Variants in RPTOR observed in about 807,000 individuals in gnomAD.
RPTOR encodes regulatory-associated protein of mTOR.
In RPTOR, 21 loss-of-function variants were observed where a neutral mutation model predicts 169.9. The ratio of observed to expected loss-of-function variants is 0.12; its 90% CI spans 0.09 to 0.18. RPTOR has a LOEUF of 0.18. Among genes scored for constraint, RPTOR ranks in the 10% least tolerant of loss-of-function variants. The pLI is 1.00. For missense variants in RPTOR, 1,133 were observed against 1,855.9 expected (o/e 0.61, Z 7.16); for synonymous variants, 732 against 753.2 (o/e 0.97, Z 0.46).
At chr17:80,571,084 T>A (rs974418140) in intron 1 of RPTOR, among the ~76,000 whole-genome samples, 1 of 152,196 alleles carries the variant, frequency 6.6e-6, no homozygotes, top group Non-Finnish European at 1.5e-5. Context: ...CGTAAGAGGA[T>A]TTAAGGATAA....
At chr17:80,777,779 G>A (rs188993282) in intron 6 of RPTOR, among the ~76,000 whole-genome samples, 2 of 152,266 alleles carry the variant, frequency 1.3e-5, no homozygotes, top group Admixed American at 1.3e-4. Context: ...TTTTGTAAAT[G>A]GTGTGATGAA....
At chr17:80,693,029 T>C (rs1008610716) in intron 3 of RPTOR, among the ~76,000 whole-genome samples, 1 of 152,258 alleles carries the variant, frequency 6.6e-6, no homozygotes, top group Admixed American at 6.5e-5. Context: ...GGAAGTGCTG[T>C]ATGTTGTACA....
chr17:80,884,201 G>C (rs1337002013), intron 16 of RPTOR, among the ~76,000 whole-genome samples: 1 of 152,198 alleles, frequency 6.6e-6, no homozygotes, highest in African/African-American at 2.4e-5. Context: ...AGCTGCAAGC[G>C]GGGGTCCCAG....
intron 2 of RPTOR, among the ~76,000 whole-genome samples, chr17:80,634,603 C>CTGTG (rs560638674): frequency 0.66 from 17,198 of 26,164 alleles, 5,606 homozygotes; most frequent in South Asian, 0.79. Flanking sequence ...TGTGTGCGTA[C>CTGTG]TGTGTGTGTA....
chr17:80,617,772 G>C (rs1421619810), intron 1 of RPTOR, among the ~76,000 whole-genome samples: 1 of 152,150 alleles, frequency 6.6e-6, no homozygotes, highest in African/African-American at 2.4e-5. Context: ...ATGGTTCCTA[G>C]CTCCTCACGC....
chr17:80,792,635 G>A (rs1567913763), intron 7 of RPTOR, among the ~76,000 whole-genome samples: 2 of 152,048 alleles, frequency 1.3e-5, no homozygotes, highest in Non-Finnish European at 2.9e-5. Context: ...TGTTTCCAAA[G>A]GCTAAACAGA....
At chr17:80,736,433 GC>G (rs973626475) in intron 5 of RPTOR, among the ~76,000 whole-genome samples, 1 of 152,108 alleles carries the variant, frequency 6.6e-6, no homozygotes, top group South Asian at 2.1e-4. Context: ...TGACTTAACC[GC>G]CCCCCGCCCC....
intron 29 of RPTOR, among the ~76,000 whole-genome samples, chr17:80,958,203 C>G (rs4969233): frequency 1.9e-4 from 26 of 134,378 alleles, no homozygotes; most frequent in Admixed American, 7.2e-4. Flanking sequence ...CCTCACCCCC[C>G]CCCCCCACCA....
At chr17:80,873,132 G>T (rs1462154680) in intron 13 of RPTOR, among the ~76,000 whole-genome samples, 1 of 152,198 alleles carries the variant, frequency 6.6e-6, no homozygotes, top group African/African-American at 2.4e-5. Context: ...CTGAGGTCAA[G>T]GCTGGGTTCG....
At chr17:80,855,928 CTG>C (rs1349849762) in intron 12 of RPTOR, among the ~76,000 whole-genome samples, 2 of 152,208 alleles carry the variant, frequency 1.3e-5, no homozygotes, top group East Asian at 3.9e-4. Context: ...CAGGAGGAGT[CTG>C]GATCCTCAGC....
At chr17:80,666,605 T>TA (rs2065781890) in intron 3 of RPTOR, among the ~76,000 whole-genome samples, 3 of 152,230 alleles carry the variant, frequency 2.0e-5, no homozygotes, top group Admixed American at 6.5e-5. Flanking sequence ...TGATACCTCC[T>TA]ACTGGCAAAG....
intron 7 of RPTOR, among the ~76,000 whole-genome samples, chr17:80,799,099 G>A (rs909345812): frequency 5.9e-5 from 9 of 152,244 alleles, no homozygotes; most frequent in African/African-American, 1.7e-4. Flanking sequence ...TAGAGCCAGA[G>A]AACCTGCTTG....
At chr17:80,637,925 T>C (rs914921438) in intron 2 of RPTOR, among the ~76,000 whole-genome samples, 1 of 152,270 alleles carries the variant, frequency 6.6e-6, no homozygotes, top group Non-Finnish European at 1.5e-5. Context: ...GACTTCGTCA[T>C]TGATTCTTGC....
intron 10 of RPTOR, among the ~76,000 whole-genome samples, chr17:80,838,824 G>C (rs1243153246): frequency 1.3e-5 from 2 of 152,198 alleles, no homozygotes; most frequent in African/African-American, 4.8e-5. Context: ...TTGCCACCGA[G>C]GGCAAGTTTG....
At chr17:80,891,919 T>A in intron 18 of RPTOR, 82 bp downstream of exon 18, 1 of 917,962 alleles carries the variant, frequency 1.1e-6, no homozygotes, top group Non-Finnish European at 1.7e-6. Context: ...TTGCTCACCC[T>A]CGCAGAGTCT....
At chr17:80,643,612 CT>C in intron 2 of RPTOR, 115 bp from the exon 3 acceptor site, 1 of 700,846 alleles carries the variant, frequency 1.4e-6, no homozygotes, top group Middle Eastern at 2.8e-4. Context: ...CGTTGTGTTA[CT>C]TTTAGTCAAA....
Position 80,651,130 on chromosome 17 carries a change from G to C in RPTOR, c.348+7320G>C, listed in dbSNP as rs528232635. Reference sequence around the variant, plus strand: ...TGTTTCCTGAGTTAACTTGGGGACCGTGATACAGAGCGATGCGGAGATGGC... The same window carrying C: ...TGTTTCCTGAGTTAACTTGGGGACCCTGATACAGAGCGATGCGGAGATGGC... On this transcript the variant is annotated intron_variant, in intron 3 of 33. Coordinates refer to ENST00000306801, the MANE Select transcript of RPTOR (RefSeq NM_020761.3). This position sits in a 1 kb window ranked among gnomAD's most constrained non-coding sequence, Gnocchi z 4.1. Among the ~76,000 whole-genome samples, 1 of 152,158 alleles carries C rather than the reference G, an allele frequency of 6.6e-6. No homozygotes were observed. Among genetic ancestry groups the C allele is most frequent in the Admixed American group, 6.5e-5 (1 of 15,280 alleles).
chr17:80,757,203 C>A (rs541814180), intron 6 of RPTOR, among the ~76,000 whole-genome samples: 26 of 152,218 alleles, frequency 1.7e-4, no homozygotes, highest in Admixed American at 7.2e-4. Flanking sequence ...GCTGAAAATA[C>A]CTGAAGATCT....
At chr17:80,874,607 G>A (rs1473469830) in intron 13 of RPTOR, among the ~76,000 whole-genome samples, 2 of 152,172 alleles carry the variant, frequency 1.3e-5, no homozygotes, top group African/African-American at 4.8e-5. Context: ...GTCTTGCACT[G>A]CTCGGTGGAT....
Sources: gnomAD v4.1 joint callset for allele counts (sites outside exome capture counted in the v4.1 genomes callset) on GRCh38, gnomAD v4.1.1 for gene constraint, Gnocchi (gnomAD v3.1) non-coding constraint, MANE v1.5 for transcripts, NCBI Gene and HGNC (gene_info 2026-07-23, HGNC 2026-07-21) for gene names.